The following NDST4 variants were observed in gnomAD, a reference collection of about 807,000 sequenced individuals.
The protein encoded by NDST4 is N-heparan sulfate sulfotransferase 4.
Under a neutral mutation model 100.8 loss-of-function variants are expected in NDST4, and 63 were observed. The ratio of observed to expected loss-of-function variants is 0.62; its 90% confidence interval spans 0.51 to 0.77. The LOEUF (loss-of-function observed/expected upper bound fraction) is 0.77, where lower values mean the gene tolerates loss of function less well. NDST4 is among the 30% of genes least tolerant of loss of function. The pLI, the probability that NDST4 is intolerant of heterozygous loss-of-function variation, is 0.00. For missense variants in NDST4, 943 were observed against 1,018.4 expected, an observed-to-expected ratio of 0.93 and a Z score of 1.01; for synonymous variants, 377 against 361.8, an observed-to-expected ratio of 1.04 and a Z score of -0.48.
intron 2 of NDST4, among the ~76,000 whole-genome samples, chr4:115,007,973 A>G (rs187975023): frequency 7.7e-6 from 1 of 129,662 alleles, no homozygotes; most frequent in Admixed American, 7.9e-5. Flanking sequence ...TTATTTTTAA[A>G]TCCACCACAC....
intron 4 of NDST4, among the ~76,000 whole-genome samples, chr4:114,966,034 G>C (rs1206306148): frequency 6.6e-6 from 1 of 151,886 alleles, no homozygotes; most frequent in Admixed American, 6.6e-5. Context: ...GAAGGAAAAA[G>C]AACCAAAAAG....
In NDST4 at chr4:114,905,315, C is replaced by G. The variant is rs17047479; in HGVS notation, c.1536+29891G>C. On this transcript the variant is annotated intron_variant, in intron 6 of 13. Coordinates refer to ENST00000264363, the MANE Select transcript of NDST4 (RefSeq NM_022569.3). ...ATAGAATTACACAAATAATATTTAG[C>G]TTCACACAAATTGAACCTCTCTGTG... 9.6e-3 allele frequency among the ~76,000 whole-genome samples: 1,451 copies of G among 151,870 alleles called. 18 individuals carry two copies. The highest frequency in any genetic ancestry group is 0.031 in the Middle Eastern group (9 of 294).
chr4:114,958,274 T>G (rs1021780396), intron 4 of NDST4, among the ~76,000 whole-genome samples: 4 of 152,176 alleles, frequency 2.6e-5, no homozygotes, highest in African/African-American at 9.7e-5. Flanking sequence ...CTAAATCATC[T>G]CTCTTAAGTT....
intron 6 of NDST4, among the ~76,000 whole-genome samples, chr4:114,911,926 A>G (rs1030735425): frequency 1.3e-5 from 2 of 152,168 alleles, no homozygotes; most frequent in African/African-American, 2.4e-5. Flanking sequence ...AGAAGAATAT[A>G]CAACATCAAC....
At chr4:114,956,193 C>T (rs1726137570) in intron 4 of NDST4, among the ~76,000 whole-genome samples, 1 of 152,140 alleles carries the variant, frequency 6.6e-6, no homozygotes, top group South Asian at 2.1e-4. Flanking sequence ...ACCCAGGACC[C>T]CGCCTATGAA....
Position 114,890,577 on chromosome 4 carries a change from A to G in NDST4, c.1537-19627T>C, listed in dbSNP as rs72899284. ...CACAGAAGTAACAGTTGTTATTCCA[A>G]TCTTAGTATAGGAAGCAGTGCTAAG... On this transcript the variant is annotated intron_variant, in intron 6 of 13. Transcript: ENST00000264363. 4.4e-3 allele frequency among the ~76,000 whole-genome samples: 668 copies of G among 152,190 alleles called. 7 individuals carry two copies. Among genetic ancestry groups the G allele is most frequent in the African/African-American group, 0.016 (651 of 41,538 alleles).
intron 4 of NDST4, among the ~76,000 whole-genome samples, chr4:114,954,633 A>G (rs948364840): frequency 6.6e-6 from 1 of 152,194 alleles, no homozygotes; most frequent in Non-Finnish European, 1.5e-5. Flanking sequence ...TTGACACAAG[A>G]TAATGTTACT....
chr4:114,907,560 C>G (rs535820299), intron 6 of NDST4, among the ~76,000 whole-genome samples: 1 of 151,982 alleles, frequency 6.6e-6, no homozygotes, highest in African/African-American at 2.4e-5. Context: ...ATTGTTGAAG[C>G]AAAAATCAAT....
rs150991030 is a variant in NDST4, at chr4:114,906,376, A to ATTT, written c.1536+28827_1536+28829dup. Among the ~76,000 whole-genome samples the ATTT allele has an allele frequency of 9.8e-3, 1,475 of 150,798 alleles. 27 individuals are homozygous for ATTT. Among genetic ancestry groups the ATTT allele is most frequent in the African/African-American group, 0.034 (1,402 of 41,234 alleles). On this transcript the variant is annotated intron_variant, in intron 6 of 13. Coordinates refer to ENST00000264363, the MANE Select transcript of NDST4 (RefSeq NM_022569.3). ...CTATCATGTTATCTTCTCTAGCGGC[A>ATTT]TTTTTTTTTGTTATGAAAGGAGATA...
intron 1 of NDST4, among the ~76,000 whole-genome samples, chr4:115,097,521 A>AT (rs1420672745): frequency 6.6e-6 from 1 of 152,122 alleles, no homozygotes; most frequent in Non-Finnish European, 1.5e-5. Flanking sequence ...TACCCATAAA[A>AT]TATATCTTGA....
chr4:114,832,007 T>C (rs1723210552), intron 12 of NDST4, among the ~76,000 whole-genome samples: 1 of 152,320 alleles, frequency 6.6e-6, no homozygotes, highest in Non-Finnish European at 1.5e-5. Context: ...TTTTGTGATG[T>C]GTGAGACATA....
intron 2 of NDST4, among the ~76,000 whole-genome samples, chr4:115,073,706 G>T (rs763157661): frequency 4.4e-4 from 67 of 151,878 alleles, no homozygotes; most frequent in Non-Finnish European, 9.4e-4. Flanking sequence ...ATTTCATTTT[G>T]ATTGGAAGAA....
chr4:114,913,846 A>T (rs1224677320), intron 6 of NDST4, among the ~76,000 whole-genome samples: 1 of 151,946 alleles, frequency 6.6e-6, no homozygotes, highest in Non-Finnish European at 1.5e-5. Flanking sequence ...TATATAAATA[A>T]ATATTTATGA....
chr4:115,083,629 A>G (rs1729345955), intron 1 of NDST4, among the ~76,000 whole-genome samples: 1 of 152,170 alleles, frequency 6.6e-6, no homozygotes, highest in Non-Finnish European at 1.5e-5. Context: ...TACAGTTCCC[A>G]TAATCCCCAT....
intron 10 of NDST4, among the ~76,000 whole-genome samples, chr4:114,844,508 T>C (rs1435923257): frequency 6.6e-6 from 1 of 152,234 alleles, no homozygotes; most frequent in Non-Finnish European, 1.5e-5. Flanking sequence ...CTGTATCCTC[T>C]ACTCCACCTT....
intron 4 of NDST4, chr4:114,956,093 A>T (rs1726134063): frequency 6.6e-6 from 1 of 152,234 alleles, no homozygotes; most frequent in African/African-American, 2.4e-5. Flanking sequence ...GAATACTGTA[A>T]TTTTAATTTT....
intron 8 of NDST4, among the ~76,000 whole-genome samples, 164 bp from the exon 9 acceptor site, chr4:114,848,502 G>T (rs571059988): frequency 6.6e-6 from 1 of 152,290 alleles, no homozygotes; most frequent in East Asian, 1.9e-4. Context: ...CACAATCTAA[G>T]TGTTCTATTT....
chr4:114,995,620 T>C (rs1727142230), intron 2 of NDST4, among the ~76,000 whole-genome samples: 1 of 152,102 alleles, frequency 6.6e-6, no homozygotes, highest in African/African-American at 2.4e-5. Flanking sequence ...CTGATACTTC[T>C]GTGGGAATTT....
intron 4 of NDST4, among the ~76,000 whole-genome samples, chr4:114,965,241 T>C (rs1390304639): frequency 1.3e-5 from 2 of 152,110 alleles, no homozygotes; most frequent in African/African-American, 4.8e-5. Flanking sequence ...CTGTAAAGCA[T>C]TGTCAACATT....
Sources: allele counts gnomAD v4.1 joint callset (sites outside exome capture counted in the v4.1 genomes callset), GRCh38; gene constraint gnomAD v4.1.1; transcripts MANE v1.5; gene names NCBI Gene and HGNC (gene_info 2026-07-23, HGNC 2026-07-21).